PCNT: variants seen among roughly 807,000 people sequenced by gnomAD.
The protein encoded by PCNT is kendrin.
PCNT carries 319 observed loss-of-function variants against 380.4 expected under a neutral mutation model. The observed-to-expected ratio is 0.84, with a 90% CI of 0.77 to 0.92. The LOEUF is 0.92. Ranked by LOEUF, PCNT falls within the 40% of genes least tolerant of loss-of-function variation. The pLI is 0.00. For missense variants in PCNT, 4,400 were observed against 4,255.3 expected (o/e 1.03, Z -0.95); for synonymous variants, 1,845 against 1,735.2 (o/e 1.06, Z -1.57).
chr21:46,431,839 A>G lies in PCNT; in HGVS notation c.8375A>G (p.Gln2792Arg), dbSNP rs2073376. 1,016,174 of 1,613,546 alleles carry G rather than the reference A, an allele frequency of 0.63. 322,770 individuals carry two copies. Among genetic ancestry groups the G allele is most frequent in the African/African-American group, 0.8 (59,759 of 75,018 alleles). Residue 2792 changes from glutamine (Q) to arginine (R), a missense_variant, in exon 38 of 47, where the codon CAG becomes CGG. Gln to Arg is a conservative substitution (Grantham distance 43). Transcript: ENST00000359568. ...ACACAGGCCCATCACGCTCTGCTGC[A>G]GAAGCTGAAGGAGGAGAAGTCCCGG... ...QDTQAHHALL[Q>R]KLKEEKSRVV...
At chr21:46,384,943 G>A (rs1221706730) in intron 16 of PCNT, among the ~76,000 whole-genome samples, 3 of 152,208 alleles carry the variant, frequency 2.0e-5, no homozygotes, top group African/African-American at 4.8e-5. Flanking sequence ...GCACATTCAC[G>A]GTGTTGTACA....
rs1380038885 is a variant in PCNT at position 46,383,510 on chromosome 21, A to G, written c.3312+1670A>G. On this transcript the variant is annotated intron_variant, in intron 16 of 46. Transcript: ENST00000359568. ...ATTCAGTGGCGGAAGCGCATTCACCATGTTGTATATTCAGTGGCGGAAGCG... is the reference window on the plus strand; with the variant it reads ...ATTCAGTGGCGGAAGCGCATTCACCGTGTTGTATATTCAGTGGCGGAAGCG... Among the ~76,000 whole-genome samples the G allele has an allele frequency of 1.0e-3, 104 of 102,968 alleles. 1 individual carries two copies. Among genetic ancestry groups the G allele is most frequent in the South Asian group, 1.6e-3 (4 of 2,558 alleles). 67.6% of individuals were successfully genotyped at this position (102,968 alleles called of 152,430 possible).
chr21:46,329,009 C>T (rs570565045), intron 2 of PCNT, among the ~76,000 whole-genome samples: 4 of 149,610 alleles, frequency 2.7e-5, no homozygotes, highest in Admixed American at 6.7e-5. Context: ...CTCCTGACCT[C>T]GTGATCCACC....
Position 46,427,675 on chromosome 21 carries a change from A to G in PCNT, c.7374A>G (p.Gln2458=). The G allele has an allele frequency of 6.2e-7, 1 of 1,613,964 alleles. No homozygotes were observed. Among genetic ancestry groups the G allele is most frequent in the Non-Finnish European group, 8.5e-7 (1 of 1,180,026 alleles). ...DWRGDLLQVV[Q]EAFEKEQEMQ... The stretch of plus-strand genomic sequence containing the variant: ...GAGGGGACCTTCTGCAGGTTGTGCA[A>G]GAGGCCTTTGAAAAAGAGCAGGAGA... Residue 2458 remains glutamine (Q), a synonymous_variant, in exon 34 of 47, where the codon CAA becomes CAG. Transcript: ENST00000359568.
chr21:46,382,785 A>T (rs1291490117), intron 16 of PCNT, among the ~76,000 whole-genome samples: 1 of 72,046 alleles, frequency 1.4e-5, no homozygotes, highest in South Asian at 5.9e-4. Context: ...ATATTCAGTG[A>T]CAGAAGCGCA....
At chr21:46,426,408 C>T (rs765936551) in intron 33 of PCNT, among the ~76,000 whole-genome samples, 11 of 152,172 alleles carry the variant, frequency 7.2e-5, no homozygotes, top group East Asian at 1.9e-4. Flanking sequence ...CCACAGCCAG[C>T]GCAGGCTCTC....
At chr21:46,428,650 C>T in intron 35 of PCNT, 60 bp downstream of exon 35, 1 of 1,410,108 alleles carries the variant, frequency 7.1e-7, no homozygotes, top group Non-Finnish European at 9.7e-7. Flanking sequence ...GCCCGACACT[C>T]ACCTGTGTGG....
In PCNT at chr21:46,384,076, G is replaced by A. The variant is rs565801708; in HGVS notation, c.3313-1756G>A. ...GTGCTGTGCATTCAGCAGCGGAAGC[G>A]CATTCACAGTGTTGTATATTCAGTG... is the stretch of plus-strand genomic sequence containing the variant. On this transcript the variant is annotated intron_variant, in intron 16 of 46. Coordinates refer to ENST00000359568, the MANE Select transcript of PCNT (RefSeq NM_006031.6). Among the ~76,000 whole-genome samples, 11 of 145,286 alleles carry A rather than the reference G, an allele frequency of 7.6e-5. 1 individual carries two copies. The highest frequency in any genetic ancestry group is 1.5e-4 in the African/African-American group (6 of 39,236).
intron 43 of PCNT, 51 bp downstream of exon 43, chr21:46,441,135 G>C: frequency 8.9e-7 from 1 of 1,125,678 alleles, no homozygotes; most frequent in Non-Finnish European, 1.4e-6. Flanking sequence ...CTCCGTGAGT[G>C]GGCAGCACAC....
chr21:46,388,244 A>G lies in PCNT; in HGVS notation c.3465-498A>G, dbSNP rs1601928242. Among the ~76,000 whole-genome samples the G allele has an allele frequency of 6.6e-6, 1 of 151,046 alleles. No homozygotes were observed. The highest frequency in any genetic ancestry group is 2.4e-5 in the African/African-American group (1 of 41,150). ...AAAAGACAGAAGCATCCCAGACCGC[A>G]CGTCCACGAGGCCTAGCGAGAGGCT... On this transcript the variant is annotated intron_variant, in intron 17 of 46. Coordinates refer to ENST00000359568, the MANE Select transcript of PCNT (RefSeq NM_006031.6). The surrounding 1 kb of genome is among the most constrained non-coding windows in gnomAD (Gnocchi z 4.2).
intron 2 of PCNT, among the ~76,000 whole-genome samples, chr21:46,333,132 T>C (rs2083609559): frequency 6.6e-6 from 1 of 151,350 alleles, no homozygotes. Flanking sequence ...ATTAAATTTC[T>C]TTTTTAAAGT....
intron 15 of PCNT, among the ~76,000 whole-genome samples, chr21:46,371,868 C>T (rs1416594869): frequency 1.5e-5 from 2 of 133,546 alleles, no homozygotes; most frequent in Non-Finnish European, 3.0e-5. Flanking sequence ...AGCATGTGTG[C>T]ACACACACAG....
At chr21:46,407,340 C>CTTTTTTTT (rs899881614) in intron 27 of PCNT, among the ~76,000 whole-genome samples, 1,587 of 106,336 alleles carry the variant, frequency 0.015, 55 homozygotes, top group Middle Eastern at 0.045. Flanking sequence ...TATACTTTCT[C>CTTTTTTTT]TTTTTTTTTT....
intron 32 of PCNT, among the ~76,000 whole-genome samples, chr21:46,423,879 G>A (rs1401373898): frequency 6.6e-6 from 1 of 151,614 alleles, no homozygotes; most frequent in Admixed American, 6.6e-5. Flanking sequence ...GCTGTCCAGG[G>A]AGCACCTCCA....
chr21:46,394,462 G>A lies in PCNT; in HGVS notation c.4217-2803G>A, dbSNP rs530425462. The A allele has an allele frequency of 5.6e-5, 53 of 951,556 alleles. 2 individuals carry two copies. In the South Asian group the frequency reaches 2.0e-3, roughly 36 times the overall value. The allele number at this position is 951,556 out of a possible 1,614,324, so 58.9% of individuals were successfully genotyped here. On this transcript the variant is annotated intron_variant, in intron 21 of 46. Transcript: ENST00000359568. Reference sequence around the variant, plus strand: ...CTAGCTCTCACATTCTCAGCTGCACGTTTCTGTTTCCACCTCAGTAAACGC... The same window carrying A: ...CTAGCTCTCACATTCTCAGCTGCACATTTCTGTTTCCACCTCAGTAAACGC...
intron 11 of PCNT, among the ~76,000 whole-genome samples, chr21:46,354,836 C>T (rs1490006237): frequency 1.3e-5 from 2 of 152,182 alleles, no homozygotes; most frequent in African/African-American, 4.8e-5. Context: ...CGGACCCCAA[C>T]ACAGAATTTG....
intron 14 of PCNT, among the ~76,000 whole-genome samples, chr21:46,365,154 G>A (rs1197269335): frequency 6.6e-6 from 1 of 152,008 alleles, no homozygotes; most frequent in Non-Finnish European, 1.5e-5. Context: ...TGCCATGGGG[G>A]TTCTATTCAT....
In PCNT at chr21:46,346,062, C is replaced by T. The variant is rs1450635605; in HGVS notation, c.640-66C>T. On this transcript the variant is annotated intron_variant, in intron 3 of 46. Coordinates refer to ENST00000359568, the MANE Select transcript of PCNT (RefSeq NM_006031.6). ...TTTGTGAGGACGTGCGTCGTCAGTT[C>T]TTGAGCACATCACTGTGGCTTCTCA... 5 of 1,473,708 alleles carry T rather than the reference C, an allele frequency of 3.4e-6. No homozygotes were observed. The Admixed American group carries it at 8.4e-5, about 25-fold the overall frequency. The allele number at this position is 1,473,708 out of a possible 1,614,324, so 91.3% of individuals were successfully genotyped here. A position where few individuals can be genotyped will look rare whatever the true frequency, so the allele number is the denominator to read the frequency against.
At chr21:46,426,927 G>A (rs1051005800) in intron 33 of PCNT, among the ~76,000 whole-genome samples, 4 of 152,186 alleles carry the variant, frequency 2.6e-5, no homozygotes, top group Admixed American at 6.5e-5. Context: ...GGGTGTGCTG[G>A]TGCCATGGAG....
Sources: gnomAD v4.1 joint callset for allele counts (sites outside exome capture counted in the v4.1 genomes callset) on GRCh38, gnomAD v4.1.1 for gene constraint, Gnocchi (gnomAD v3.1) non-coding constraint, MANE v1.5 for transcripts, NCBI Gene and HGNC (gene_info 2026-07-23, HGNC 2026-07-21) for gene names.